NF1: variants seen among roughly 807,000 people sequenced by gnomAD.
NF1 encodes the protein neurofibromin.
Under a neutral mutation model 325.7 loss-of-function variants are expected in NF1, and 122 were observed. The ratio of observed to expected loss-of-function variants is 0.37; its 90% CI spans 0.32 to 0.44. The LOEUF (loss-of-function observed/expected upper bound fraction) is 0.44. Ranked by LOEUF, NF1 falls within the 20% of genes least tolerant of loss-of-function variation. NF1 has a pLI of 1.00. For synonymous variants in NF1, 1,091 were observed against 1,186.0 expected (o/e 0.92, Z 1.65); for missense variants, 2,140 against 3,415.4 (o/e 0.63, Z 9.31).
chr17:31,293,925 G>A (rs2068405317), intron 36 of NF1, among the ~76,000 whole-genome samples: 1 of 152,112 alleles, frequency 6.6e-6, no homozygotes, highest in African/African-American at 2.4e-5. Flanking sequence ...CTTCTAGTTG[G>A]AGTTCCAGTG....
At chr17:31,277,299 T>G (rs1292967479) in intron 36 of NF1, among the ~76,000 whole-genome samples, 4 of 152,168 alleles carry the variant, frequency 2.6e-5, no homozygotes, top group Non-Finnish European at 1.5e-5. Flanking sequence ...GATGTCTAAC[T>G]TCTCACCAAT....
At chr17:31,171,946 A>G (rs1442948785) in intron 5 of NF1, among the ~76,000 whole-genome samples, 1 of 152,212 alleles carries the variant, frequency 6.6e-6, no homozygotes, top group African/African-American at 2.4e-5. Flanking sequence ...GAAAAAAACT[A>G]TGATAAACTC....
At chr17:31,230,134 C>T (rs1032271506) in intron 22 of NF1, 126 bp from the exon 23 acceptor site, 3 of 1,417,686 alleles carry the variant, frequency 2.1e-6, no homozygotes, top group African/African-American at 1.4e-5. Flanking sequence ...ACGTTCTTTT[C>T]TAAATAAATA....
At chr17:31,201,622 A>G in intron 11 of NF1, 137 bp downstream of exon 11, 1 of 686,204 alleles carries the variant, frequency 1.5e-6, no homozygotes, top group Non-Finnish European at 2.6e-6. Context: ...AAATTTCTCC[A>G]TGGTGATTCT....
intron 1 of NF1, among the ~76,000 whole-genome samples, chr17:31,119,027 C>T (rs897538949): frequency 5.3e-5 from 8 of 151,862 alleles, no homozygotes; most frequent in South Asian, 2.1e-4. Flanking sequence ...CTGCAACCTC[C>T]GCCTGCCAGG....
chr17:31,250,007 G>A (rs531233127), intron 30 of NF1: 7 of 496,588 alleles, frequency 1.4e-5, no homozygotes, highest in Admixed American at 4.6e-5. Context: ...GCTTAGAGAC[G>A]TTAACAGCAT....
chr17:31,338,104 G>T lies in NF1; in HGVS notation c.6784G>T (p.Gly2262Trp), dbSNP rs1392981001. The change falls in exon 45 of 58, where the codon GGG becomes TGG. Residue 2262 changes from glycine to tryptophan, a missense_variant. Transcript: ENST00000358273. ...FGCISKRVSHGQIKQIIRILS... is the reference protein window; with the variant it reads ...FGCISKRVSHWQIKQIIRILS... ...GTGTATTAGCAAACGAGTGTCTCAT[G>T]GGCAGATAAAGCAGATAATCCGTAT... The T allele has an allele frequency of 1.2e-6, 2 of 1,613,848 alleles. No individual in the cohort carries two copies. The highest frequency in any genetic ancestry group is 1.7e-6 in the Non-Finnish European group (2 of 1,179,774).
chr17:31,246,678 G>A (rs933870166), intron 29 of NF1, among the ~76,000 whole-genome samples: 4 of 152,128 alleles, frequency 2.6e-5, no homozygotes, highest in Admixed American at 1.3e-4. Context: ...GAGAGTAAAG[G>A]TTTGTGGATT....
rs1030214646 is a variant in NF1, at chr17:31,278,902, G to A, written c.4835+13563G>A. Reference sequence around the variant, plus strand: ...AGTGCTGGAATTACAGGCGTGAGCCGCCGCGCCTGGCCTTCATGTCTCTTT... The same window carrying A: ...AGTGCTGGAATTACAGGCGTGAGCCACCGCGCCTGGCCTTCATGTCTCTTT... On this transcript the variant is annotated intron_variant, in intron 36 of 57. Transcript: ENST00000358273. Among the ~76,000 whole-genome samples the A allele has an allele frequency of 6.6e-5, 10 of 152,154 alleles. No homozygotes were observed. In the East Asian group the frequency reaches 1.7e-3, roughly 26 times the overall value.
chr17:31,231,230 G>A (rs1438452769), intron 24 of NF1, among the ~76,000 whole-genome samples: 3 of 152,116 alleles, frequency 2.0e-5, no homozygotes, highest in Non-Finnish European at 4.4e-5. Flanking sequence ...GTTATGATTA[G>A]ATAGATAAAG....
intron 1 of NF1, among the ~76,000 whole-genome samples, chr17:31,135,743 A>ATT (rs111746832): frequency 2.2e-4 from 32 of 144,008 alleles, no homozygotes; most frequent in Admixed American, 7.7e-4. Context: ...ATTAAAAAAC[A>ATT]TTTTTTTTTT....
intron 1 of NF1, among the ~76,000 whole-genome samples, chr17:31,110,416 C>T: frequency 6.6e-6 from 1 of 152,154 alleles, no homozygotes; most frequent in East Asian, 1.9e-4. Context: ...TTTACTAAAA[C>T]TGCAACATAT....
At chr17:31,198,586 A>C (rs1179792745) in intron 8 of NF1, among the ~76,000 whole-genome samples, 1 of 151,824 alleles carries the variant, frequency 6.6e-6, no homozygotes, top group African/African-American at 2.4e-5. Flanking sequence ...TATTTTTGCA[A>C]AATCAGTAGT....
intron 18 of NF1, 142 bp downstream of exon 18, chr17:31,226,826 G>A: frequency 8.7e-7 from 1 of 1,149,608 alleles, no homozygotes; most frequent in Non-Finnish European, 1.3e-6. Flanking sequence ...TCTGAACAAA[G>A]TAAGATGAAA....
intron 1 of NF1, among the ~76,000 whole-genome samples, chr17:31,132,713 C>T (rs1915481928): frequency 6.6e-6 from 1 of 152,086 alleles, no homozygotes; most frequent in Non-Finnish European, 1.5e-5. Flanking sequence ...GTTGCCCAGG[C>T]TGGAGTACAG....
intron 1 of NF1, among the ~76,000 whole-genome samples, chr17:31,127,143 TCTC>T (rs986863476): frequency 6.6e-6 from 1 of 151,654 alleles, no homozygotes; most frequent in African/African-American, 2.4e-5. Flanking sequence ...AGTTCGGCTC[TCTC>T]CTCTAGTGCC....
intron 29 of NF1, among the ~76,000 whole-genome samples, chr17:31,243,652 G>C (rs985728374): frequency 6.6e-6 from 1 of 151,852 alleles, no homozygotes; most frequent in African/African-American, 2.4e-5. Context: ...AAGGCCCAAG[G>C]GCTCTTCATT....
chr17:31,306,181 C>T (rs2068715770), intron 36 of NF1, among the ~76,000 whole-genome samples: 1 of 152,150 alleles, frequency 6.6e-6, no homozygotes, highest in African/African-American at 2.4e-5. Flanking sequence ...GTCTTCCTTT[C>T]ATGTTACTCT....
chr17:31,372,131 A>C (rs1353685967), intron 57 of NF1, among the ~76,000 whole-genome samples: 2 of 152,228 alleles, frequency 1.3e-5, no homozygotes, highest in Non-Finnish European at 2.9e-5. Flanking sequence ...TAAAATTTCA[A>C]TATATAAAGA....
Sources: allele counts gnomAD v4.1 joint callset (sites outside exome capture counted in the v4.1 genomes callset), GRCh38; gene constraint gnomAD v4.1.1; transcripts MANE v1.5; gene names NCBI Gene and HGNC (gene_info 2026-07-23, HGNC 2026-07-21).